The following GRID2 variants were observed in gnomAD, a reference collection of about 807,000 sequenced individuals.
GRID2 encodes glutamate receptor ionotropic, delta-2.
Under a neutral mutation model 114.8 loss-of-function variants are expected in GRID2, and 33 were observed. The ratio of observed to expected loss-of-function variants is 0.29; its 90% CI spans 0.22 to 0.38. The LOEUF is 0.38. GRID2 is among the 10% of genes least tolerant of loss of function. The pLI is 1.00. For missense variants in GRID2, 1,184 were observed against 1,257.7 expected (o/e 0.94, Z 0.89); for synonymous variants, 505 against 449.9 (o/e 1.12, Z -1.55).
intron 2 of GRID2, among the ~76,000 whole-genome samples, chr4:93,078,238 T>A (rs1391399545): frequency 6.6e-6 from 1 of 152,156 alleles, no homozygotes; most frequent in East Asian, 1.9e-4. Context: ...ACTTAATTAG[T>A]TCCTACTTAC....
At chr4:93,202,730 G>C (rs1293633169) in intron 4 of GRID2, among the ~76,000 whole-genome samples, 2 of 150,576 alleles carry the variant, frequency 1.3e-5, no homozygotes, top group Non-Finnish European at 2.9e-5. Context: ...GTTGTCTTCT[G>C]TTATCTACAC....
chr4:92,580,834 A>C (rs753797806), intron 1 of GRID2, among the ~76,000 whole-genome samples: 2 of 151,790 alleles, frequency 1.3e-5, no homozygotes, highest in Non-Finnish European at 2.9e-5. Flanking sequence ...AATATCTGCA[A>C]CTTTTCTCCA....
intron 8 of GRID2, among the ~76,000 whole-genome samples, chr4:93,369,506 T>C (rs991454365): frequency 6.6e-6 from 1 of 152,184 alleles, no homozygotes; most frequent in Non-Finnish European, 1.5e-5. Flanking sequence ...TCTTTTTTCT[T>C]TGAGACAGGG....
chr4:92,845,848 C>T (rs553271369), intron 2 of GRID2, among the ~76,000 whole-genome samples: 1 of 152,218 alleles, frequency 6.6e-6, no homozygotes, highest in South Asian at 2.1e-4. Flanking sequence ...TTAAGGAATG[C>T]ATTTTTATTC....
In GRID2 at chr4:93,524,847, A is replaced by G. The variant is rs557849711; in HGVS notation, c.2193+9436A>G. 9.8e-4 allele frequency among the ~76,000 whole-genome samples: 120 copies of G among 122,264 alleles called. No homozygotes were observed. The South Asian group carries it at 0.025, about 26-fold the overall frequency. 80.2% of individuals were successfully genotyped at this position (122,264 alleles called of 152,430 possible). A position where few individuals can be genotyped will look rare whatever the true frequency, so the allele number is the denominator to read the frequency against. On this transcript the variant is annotated intron_variant, in intron 13 of 15. Transcript: ENST00000282020. ...TGTATATATATATATATATATATAT[A>G]TATGTATACAAATTCTGTGAATTAT...
chr4:92,652,723 C>A (rs1367686044), intron 2 of GRID2, among the ~76,000 whole-genome samples: 1 of 142,372 alleles, frequency 7.0e-6, no homozygotes, highest in Non-Finnish European at 1.5e-5. Context: ...GTAATCCCAG[C>A]ACTTTGGGAG....
chr4:93,039,233 C>A (rs1725246066), intron 2 of GRID2, among the ~76,000 whole-genome samples: 1 of 151,930 alleles, frequency 6.6e-6, no homozygotes, highest in Admixed American at 6.6e-5. Context: ...AAACCAAACA[C>A]CGCATGTTGT....
In GRID2 at chr4:93,027,296, T is replaced by C. The variant is rs114528874; in HGVS notation, c.245-57699T>C. Among the ~76,000 whole-genome samples the C allele has an allele frequency of 4.6e-3, 706 of 152,220 alleles. 9 individuals carry two copies. The highest frequency in any genetic ancestry group is 0.016 in the African/African-American group (684 of 41,574). ...GTTTGTTTCACTGATGCATAGCAGTTGGACATACTATTTTTCACACTTTAT... is the reference window on the plus strand; with the variant it reads ...GTTTGTTTCACTGATGCATAGCAGTCGGACATACTATTTTTCACACTTTAT... On this transcript the variant is annotated intron_variant, in intron 2 of 15. Coordinates refer to ENST00000282020, the MANE Select transcript of GRID2 (RefSeq NM_001510.4).
intron 2 of GRID2, among the ~76,000 whole-genome samples, chr4:92,910,133 A>T (rs767960128): frequency 9.9e-5 from 15 of 152,116 alleles, no homozygotes; most frequent in Non-Finnish European, 1.9e-4. Flanking sequence ...GATGATGTGG[A>T]CATAATCATT....
intron 1 of GRID2, among the ~76,000 whole-genome samples, chr4:92,411,202 A>T (rs1163308721): frequency 6.6e-6 from 1 of 152,166 alleles, no homozygotes; most frequent in Non-Finnish European, 1.5e-5. Flanking sequence ...ATACCAGCAG[A>T]TATTTATGTA....
Position 93,551,696 on chromosome 4 carries a change from C to A in GRID2, c.2193+36285C>A, listed in dbSNP as rs539722306. Among the ~76,000 whole-genome samples the A allele has an allele frequency of 4.6e-5, 7 of 152,244 alleles. No individual in the cohort carries two copies. In the South Asian group the frequency reaches 1.5e-3, roughly 32 times the overall value. On this transcript the variant is annotated intron_variant, in intron 13 of 15. Coordinates refer to ENST00000282020, the MANE Select transcript of GRID2 (RefSeq NM_001510.4). ...ATCACATTGCTGCCCTTGACATGAACAATATATTAGATTGGTGCAAAAGTT... is the reference window on the plus strand; with the variant it reads ...ATCACATTGCTGCCCTTGACATGAAAAATATATTAGATTGGTGCAAAAGTT...
chr4:93,011,901 G>C (rs923122254), intron 2 of GRID2, among the ~76,000 whole-genome samples: 1 of 151,826 alleles, frequency 6.6e-6, no homozygotes, highest in Non-Finnish European at 1.5e-5. Flanking sequence ...TCTGCTTCTA[G>C]CTTCGGTTTT....
chr4:93,299,427 C>A (rs552578228), intron 8 of GRID2, among the ~76,000 whole-genome samples: 4 of 149,742 alleles, frequency 2.7e-5, no homozygotes, highest in Non-Finnish European at 5.9e-5. Context: ...CTGTTTGAAA[C>A]GGGGAAAAAA....
intron 1 of GRID2, among the ~76,000 whole-genome samples, chr4:92,561,461 A>G (rs1055533161): frequency 6.6e-6 from 1 of 152,206 alleles, no homozygotes; most frequent in African/African-American, 2.4e-5. Context: ...TCATACCAGT[A>G]GGTATTCCAA....
intron 2 of GRID2, among the ~76,000 whole-genome samples, chr4:92,985,528 C>T (rs1032601692): frequency 6.6e-6 from 1 of 152,118 alleles, no homozygotes; most frequent in Non-Finnish European, 1.5e-5. Flanking sequence ...TAAGCCACCG[C>T]GTCCGGCCGG....
chr4:92,892,270 G>A (rs1746844674), intron 2 of GRID2, among the ~76,000 whole-genome samples: 2 of 151,964 alleles, frequency 1.3e-5, no homozygotes, highest in South Asian at 4.1e-4. Context: ...CACCATGTTG[G>A]CCTGGCTGGT....
chr4:93,718,424 G>A (rs532844515), intron 14 of GRID2, among the ~76,000 whole-genome samples: 1 of 152,254 alleles, frequency 6.6e-6, no homozygotes, highest in South Asian at 2.1e-4. Context: ...TTCAGGCAAA[G>A]TTCCAATGAC....
intron 2 of GRID2, among the ~76,000 whole-genome samples, chr4:92,661,787 G>A (rs186399590): frequency 1.3e-5 from 2 of 151,074 alleles, no homozygotes; most frequent in East Asian, 1.9e-4. Flanking sequence ...ACAATAAATT[G>A]TGTCAATTAA....
chr4:92,344,783 GCC>G (rs565082729), intron 1 of GRID2, among the ~76,000 whole-genome samples: 124 of 152,200 alleles, frequency 8.1e-4, no homozygotes, highest in African/African-American at 2.8e-3. Flanking sequence ...AAGCTTTATT[GCC>G]CCTGAAGTCA....
Sources: allele counts gnomAD v4.1 joint callset (sites outside exome capture counted in the v4.1 genomes callset), GRCh38; gene constraint gnomAD v4.1.1; transcripts MANE v1.5; gene names NCBI Gene and HGNC (gene_info 2026-07-23, HGNC 2026-07-21).